The following SLC41A3 variants were observed in gnomAD, a reference collection of about 807,000 sequenced individuals.
The protein encoded by SLC41A3 is solute carrier family 41 member 3.
A neutral mutation model predicts 45.4 loss-of-function variants in SLC41A3; 44 were observed. That is an observed-to-expected ratio of 0.97 (90% CI 0.76 to 1.25). The LOEUF (loss-of-function observed/expected upper bound fraction) is 1.25, where lower values mean the gene tolerates loss of function less well. Among genes scored for constraint, SLC41A3 ranks in the 50% most tolerant of loss-of-function variants. SLC41A3 has a pLI of 0.00. For synonymous variants in SLC41A3, 256 were observed against 252.4 expected (o/e 1.01, Z -0.13); for missense variants, 550 against 600.6 (o/e 0.92, Z 0.88).
intron 1 of SLC41A3, among the ~76,000 whole-genome samples, chr3:126,094,140 A>C (rs1358953100): frequency 6.6e-6 from 1 of 152,224 alleles, no homozygotes; most frequent in Non-Finnish European, 1.5e-5. Context: ...ATTCCAGAAC[A>C]ATTATATAGC....
rs553428948 is a variant in SLC41A3, at chr3:126,033,741, CTGGGAAAGGCAGT to C, written c.382-76_382-64del. ...AGGCCCAAAGCCAGGTCAACCCTTC[CTGGGAAAGGCAGT>C]CTCTCAGGGAAGAAATCAACAAATA... On this transcript the variant is annotated intron_variant, in intron 3 of 10. Transcript: ENST00000360370. The C allele has an allele frequency of 4.6e-5, 70 of 1,521,588 alleles. No homozygotes were observed. The East Asian group carries it at 1.3e-3, about 28-fold the overall frequency. The allele number at this position is 1,521,588 out of a possible 1,614,324, so 94.3% of individuals were successfully genotyped here. A position where few individuals can be genotyped will look rare whatever the true frequency, so the allele number is the denominator to read the frequency against.
In SLC41A3 at chr3:126,098,180, C is replaced by T. The variant is rs1469757009; in HGVS notation, c.-79+3249G>A. ...TGAATTGCTAGCCCCCAATGTGACT[C>T]TATGTGGAGATAGGGCTTATCAGGA... On this transcript the variant is annotated intron_variant, in intron 1 of 9. Coordinates refer to the SLC41A3 transcript ENST00000508835. 5.9e-5 allele frequency among the ~76,000 whole-genome samples: 9 copies of T among 152,330 alleles called. No individual in the cohort carries two copies. The East Asian group carries it at 1.7e-3, about 29-fold the overall frequency.
chr3:126,047,480 T>C (rs1943039768), intron 3 of SLC41A3, among the ~76,000 whole-genome samples: 3 of 152,212 alleles, frequency 2.0e-5, no homozygotes, highest in Admixed American at 2.0e-4. Context: ...AGAACAAGGT[T>C]GGAGGTCTCA....
intron 1 of SLC41A3, among the ~76,000 whole-genome samples, chr3:126,092,981 G>A (rs544418056): frequency 3.3e-5 from 5 of 152,254 alleles, no homozygotes; most frequent in Non-Finnish European, 7.4e-5. Context: ...CTTTTCTGCA[G>A]GATACTGGGT....
chr3:126,025,781 C>G (rs933561929), intron 5 of SLC41A3: 2 of 152,954 alleles, frequency 1.3e-5, no homozygotes, highest in African/African-American at 4.8e-5. Context: ...TGCAGCCCCA[C>G]GAGGAGTAAA....
chr3:126,033,691 G>T lies in SLC41A3; in HGVS notation c.382-13C>A. 1 of 1,611,526 alleles carries T rather than the reference G, an allele frequency of 6.2e-7. No individual in the cohort carries two copies. Among genetic ancestry groups the T allele is most frequent in the Middle Eastern group, 1.7e-4 (1 of 6,054 alleles). ...GTCCAGTGTTGGCCTAGAATGAAGAGAAAAGGACAAAGGTAGGACTGGCTA... is the reference window on the plus strand; with the variant it reads ...GTCCAGTGTTGGCCTAGAATGAAGATAAAAGGACAAAGGTAGGACTGGCTA... On this transcript the variant is annotated splice_polypyrimidine_tract_variant and intron_variant, in intron 3 of 10. Coordinates refer to ENST00000360370, the MANE Select transcript of SLC41A3 (RefSeq NM_017836.4).
chr3:126,057,271 A>C, intron 2 of SLC41A3: 5 of 558,996 alleles, frequency 8.9e-6, no homozygotes, highest in Non-Finnish European at 9.1e-6. Context: ...TTCTCCCTCC[A>C]TGGCCTGGAA....
intron 7 of SLC41A3, among the ~76,000 whole-genome samples, chr3:126,016,324 A>G (rs1418313610): frequency 1.3e-5 from 2 of 152,224 alleles, no homozygotes; most frequent in African/African-American, 4.8e-5. Flanking sequence ...CAGGAGGACG[A>G]GTGAGTCAGC....
chr3:126,059,649 G>C (rs937357181), intron 2 of SLC41A3, among the ~76,000 whole-genome samples: 1 of 152,190 alleles, frequency 6.6e-6, no homozygotes, highest in African/African-American at 2.4e-5. Flanking sequence ...TGGGCTGCCT[G>C]CCAACCCCAT....
At chr3:126,088,421 T>G (rs1213967707), upstream of SLC41A3, among the ~76,000 whole-genome samples, 1 of 152,234 alleles carries the variant, frequency 6.6e-6, no homozygotes, top group African/African-American at 2.4e-5. Context: ...AAAGTCATGT[T>G]AAAACCTCAG....
At chr3:126,066,146 T>A (rs1226861359) in intron 2 of SLC41A3, among the ~76,000 whole-genome samples, 1 of 152,252 alleles carries the variant, frequency 6.6e-6, no homozygotes, top group Non-Finnish European at 1.5e-5. Context: ...AGCAGACTAT[T>A]TTTCCGTCTT....
At chr3:126,033,940 T>C (rs1941994796) in intron 3 of SLC41A3, among the ~76,000 whole-genome samples, 1 of 70 alleles carries the variant, frequency 0.014, no homozygotes, top group Admixed American at 0.071. Context: ...AGCATATGAC[T>C]GCACCACCTG....
intron 3 of SLC41A3, among the ~76,000 whole-genome samples, chr3:126,037,966 G>C (rs532012927): frequency 6.6e-6 from 1 of 152,240 alleles, no homozygotes; most frequent in African/African-American, 2.4e-5. Context: ...ATCCCTGGCT[G>C]TTCCAGCTTC....
intron 3 of SLC41A3, among the ~76,000 whole-genome samples, chr3:126,045,764 T>A (rs913472850): frequency 6.6e-6 from 1 of 152,002 alleles, no homozygotes; most frequent in African/African-American, 2.4e-5. Context: ...AAATTCATCC[T>A]ATGAAACAGT....
chr3:126,079,882 C>T (rs1945066294), intron 1 of SLC41A3, among the ~76,000 whole-genome samples: 1 of 152,072 alleles, frequency 6.6e-6, no homozygotes, highest in Non-Finnish European at 1.5e-5. Flanking sequence ...ACACATAAGC[C>T]AATGGACAGA....
At chr3:126,096,378 A>T (rs918925226) in intron 1 of SLC41A3, among the ~76,000 whole-genome samples, 5 of 148,108 alleles carry the variant, frequency 3.4e-5, no homozygotes, top group African/African-American at 1.3e-4. Context: ...CATGTTGGGA[A>T]CAGCCCCCCC....
chr3:126,094,566 C>G (rs996006657), intron 1 of SLC41A3, among the ~76,000 whole-genome samples: 1 of 152,228 alleles, frequency 6.6e-6, no homozygotes, highest in African/African-American at 2.4e-5. Flanking sequence ...CCAGGATTGT[C>G]TTCTCCTGCT....
chr3:126,016,952 T>G lies in SLC41A3; in HGVS notation c.746-77A>C, dbSNP rs1166199730. ...ACAGGCTGGGCCTGGGTTTCACAAATGAGAGGTGGGTGAGGACGCTCCTGT... is the reference window on the plus strand; with the variant it reads ...ACAGGCTGGGCCTGGGTTTCACAAAGGAGAGGTGGGTGAGGACGCTCCTGT... On this transcript the variant is annotated intron_variant, in intron 6 of 10. Coordinates refer to ENST00000360370, the MANE Select transcript of SLC41A3 (RefSeq NM_017836.4). 5 of 1,570,454 alleles carry G rather than the reference T, an allele frequency of 3.2e-6. No individual in the cohort carries two copies. The Admixed American group carries it at 9.4e-5, about 30-fold the overall frequency.
intron 3 of SLC41A3, among the ~76,000 whole-genome samples, chr3:126,046,648 GA>G (rs1413310354): frequency 2.6e-5 from 4 of 152,142 alleles, no homozygotes; most frequent in African/African-American, 9.7e-5. Flanking sequence ...CCATGGACTG[GA>G]AGACTTAATA....
Sources: gnomAD v4.1 joint callset for allele counts (sites outside exome capture counted in the v4.1 genomes callset) on GRCh38, gnomAD v4.1.1 for gene constraint, MANE v1.5 for transcripts, NCBI Gene and HGNC (gene_info 2026-07-23, HGNC 2026-07-21) for gene names.